The following ZSWIM4 variants were observed in gnomAD, a reference collection of about 807,000 sequenced individuals.
ZSWIM4 encodes the protein zinc finger SWIM domain-containing protein 4.
ZSWIM4 carries 62 observed loss-of-function variants against 102.5 expected under a neutral mutation model. The observed-to-expected ratio is 0.60, with a 90% CI of 0.49 to 0.75. ZSWIM4 has a LOEUF of 0.75. Ranked by LOEUF, ZSWIM4 falls within the 30% of genes least tolerant of loss-of-function variation. The pLI is 0.00. For missense variants in ZSWIM4, 1,280 were observed against 1,529.6 expected (o/e 0.84, Z 2.72); for synonymous variants, 652 against 674.5 (o/e 0.97, Z 0.52).
Position 13,831,122 on chromosome 19 carries a change from C to T in ZSWIM4, c.*72C>T. 6.7e-7 allele frequency: 1 copy of T among 1,495,804 alleles called. No individual in the cohort carries two copies. 92.7% of individuals were successfully genotyped at this position (1,495,804 alleles called of 1,614,324 possible). ...CCCCCACCCTTGCTCTCCAATTAGG[C>T]CCACGTGGCATTTCAGTATTATTAA... On this transcript the variant is annotated 3_prime_UTR_variant, in exon 14 of 14. Coordinates refer to ENST00000590508, the MANE Select transcript of ZSWIM4 (RefSeq NM_001367834.3).
chr19:13,815,981 G>A (rs1172728752), intron 7 of ZSWIM4, among the ~76,000 whole-genome samples: 3 of 148,074 alleles, frequency 2.0e-5, no homozygotes, highest in Non-Finnish European at 4.5e-5. Flanking sequence ...AGAGGAGAGC[G>A]AGGAGAGAGA....
intron 7 of ZSWIM4, among the ~76,000 whole-genome samples, chr19:13,815,787 A>G (rs1212506835): frequency 6.6e-6 from 1 of 151,720 alleles, no homozygotes; most frequent in East Asian, 1.9e-4. Flanking sequence ...AATATTTTTA[A>G]AATTAGCCAG....
chr19:13,831,108 G>T lies in ZSWIM4; in HGVS notation c.*58G>T. 2.0e-6 allele frequency: 3 copies of T among 1,506,024 alleles called. No individual in the cohort carries two copies. Among genetic ancestry groups the T allele is most frequent in the Non-Finnish European group, 2.6e-6 (3 of 1,135,206 alleles). 93.3% of individuals were successfully genotyped at this position (1,506,024 alleles called of 1,614,324 possible). A position where few individuals can be genotyped will look rare whatever the true frequency, so the allele number is the denominator to read the frequency against. ...CCTCGCCCCTGCGTCCCCCACCCTT[G>T]CTCTCCAATTAGGCCCACGTGGCAT... On this transcript the variant is annotated 3_prime_UTR_variant, in exon 14 of 14. Transcript: ENST00000590508.
intron 13 of ZSWIM4, 84 bp downstream of exon 13, chr19:13,828,810 G>C: frequency 7.2e-7 from 1 of 1,391,784 alleles, no homozygotes; most frequent in South Asian, 1.2e-5. Flanking sequence ...AGACAAGAAA[G>C]AGAGAAGTGG....
In ZSWIM4 at chr19:13,823,506, G is replaced by A; in HGVS notation, c.2215+6G>A. ...CATGTTGACGGCCGCCAAGGGTGAG[G>A]CTGGCAGCTGTCCCGATTCCTTTGT... On this transcript the variant is annotated splice_donor_region_variant and intron_variant, in intron 11 of 13. Coordinates refer to ENST00000590508, the MANE Select transcript of ZSWIM4 (RefSeq NM_001367834.3). 6.4e-7 allele frequency: 1 copy of A among 1,560,152 alleles called. No individual in the cohort carries two copies.
intron 7 of ZSWIM4, among the ~76,000 whole-genome samples, chr19:13,816,786 G>A (rs1256998296): frequency 6.6e-6 from 1 of 152,190 alleles, no homozygotes; most frequent in African/African-American, 2.4e-5. Context: ...GCCTCCAGAT[G>A]AGGCAGGTCA....
Position 13,831,215 on chromosome 19 carries a change from A to T in ZSWIM4, c.*165A>T. 1 of 872,358 alleles carries T rather than the reference A, an allele frequency of 1.1e-6. No homozygotes were observed. The highest frequency in any genetic ancestry group is 3.1e-5 in the Admixed American group (1 of 32,040). The allele number at this position is 872,358 out of a possible 1,614,324, so 54.0% of individuals were successfully genotyped here. A position where few individuals can be genotyped will look rare whatever the true frequency, so the allele number is the denominator to read the frequency against. On this transcript the variant is annotated 3_prime_UTR_variant, in exon 14 of 14. Transcript: ENST00000590508. ...GCATCCTGCCACGTGTGTGCCTGGG[A>T]GTCTGTGAGCAAGTGTGCAAGACTC...
At chr19:13,800,032 T>A in intron 2 of ZSWIM4, 111 bp downstream of exon 2, 1 of 1,009,758 alleles carries the variant, frequency 9.9e-7, no homozygotes. Flanking sequence ...GTTACAGACC[T>A]CAGGCTTCGA....
chr19:13,828,015 GCAA>G lies in ZSWIM4; in HGVS notation c.2380-624_2380-622del, dbSNP rs551601795. Among the ~76,000 whole-genome samples the G allele has an allele frequency of 7.0e-4, 106 of 152,290 alleles. 1 individual carries two copies. The highest frequency in any genetic ancestry group is 1.0e-3 in the Non-Finnish European group (70 of 68,032). ...TGTGAGGACTCACTTCAGAAGAACA[GCAA>G]CAACAGCAGTGATATTAAGAGCTGA... is the stretch of plus-strand genomic sequence containing the variant. On this transcript the variant is annotated intron_variant, in intron 12 of 13. Coordinates refer to ENST00000590508, the MANE Select transcript of ZSWIM4 (RefSeq NM_001367834.3).
In ZSWIM4 at chr19:13,823,605, C is replaced by T. The variant is rs1180969266; in HGVS notation, c.2215+105C>T. ...TCCTCTTATCCTTTCACAAACTTCC[C>T]CCTGCATTCTTTGAGCACCTCCTAT... is the stretch of plus-strand genomic sequence containing the variant. On this transcript the variant is annotated intron_variant, in intron 11 of 13. Coordinates refer to ENST00000590508, the MANE Select transcript of ZSWIM4 (RefSeq NM_001367834.3). 8 of 1,370,998 alleles carry T rather than the reference C, an allele frequency of 5.8e-6. No individual in the cohort carries two copies. The East Asian group carries it at 7.6e-5, about 13-fold the overall frequency. The allele number at this position is 1,370,998 out of a possible 1,614,324, so 84.9% of individuals were successfully genotyped here.
At chr19:13,822,699 G>T (rs1002130973) in intron 10 of ZSWIM4, among the ~76,000 whole-genome samples, 5 of 152,156 alleles carry the variant, frequency 3.3e-5, no homozygotes, top group Non-Finnish European at 7.3e-5. Context: ...AAAAATTAGG[G>T]CCAGGAGCCA....
intron 5 of ZSWIM4, among the ~76,000 whole-genome samples, chr19:13,810,664 C>T (rs1273408087): frequency 6.6e-6 from 1 of 151,506 alleles, no homozygotes; most frequent in African/African-American, 2.4e-5. Flanking sequence ...AGCTGGAGTG[C>T]AGTGGCACAA....
chr19:13,815,962 A>AAG, intron 7 of ZSWIM4, among the ~76,000 whole-genome samples: 1 of 147,524 alleles, frequency 6.8e-6, no homozygotes, highest in East Asian at 2.0e-4. Context: ...AAAAAAAAAA[A>AAG]AGAGAGAGAG....
Position 13,814,839 on chromosome 19 carries a change from T to C in ZSWIM4, c.1505T>C (p.Leu502Pro), listed in dbSNP as rs1456168668. The C allele has an allele frequency of 7.9e-7, 1 of 1,263,602 alleles. No individual in the cohort carries two copies. The highest frequency in any genetic ancestry group is 1.0e-6 in the Non-Finnish European group (1 of 968,566). The allele number at this position is 1,263,602 out of a possible 1,614,324, so 78.3% of individuals were successfully genotyped here. Residue 502 changes from leucine (L) to proline (P), a missense_variant, in exon 7 of 14, where the codon CTA becomes CCA. Transcript: ENST00000590508. ...NTLRLQQRHQ[L>P]ESYKQQKKEL... The stretch of plus-strand genomic sequence containing the variant: ...CTCCGGCTGCAGCAGCGGCATCAGC[T>C]AGAGAGCTACAAGCAGCAGAAAAAA...
intron 7 of ZSWIM4, 120 bp from the exon 8 acceptor site, chr19:13,817,096 G>A: frequency 7.3e-6 from 10 of 1,375,562 alleles, no homozygotes; most frequent in Non-Finnish European, 8.8e-6. Flanking sequence ...TGACCATTGG[G>A]TGAGCAGGTG....
Position 13,795,721 on chromosome 19 carries a change from G to A in ZSWIM4, c.73G>A (p.Ala25Thr), listed in dbSNP as rs766866513. 1.7e-6 allele frequency: 2 copies of A among 1,210,818 alleles called. No homozygotes were observed. The highest frequency in any genetic ancestry group is 1.6e-5 in the African/African-American group (1 of 63,706). 75.0% of individuals were successfully genotyped at this position (1,210,818 alleles called of 1,614,324 possible). ...GPEERDAGAG[A>T]ARGRGRPEAL... ...CGAGGAGCGCGATGCCGGGGCCGGG[G>A]CCGCGCGTGGCCGGGGCCGGCCCGA... is the stretch of plus-strand genomic sequence containing the variant. Residue 25 changes from alanine (A) to threonine (T), a missense_variant, in exon 1 of 14, where the codon GCC (alanine) becomes ACC (threonine). Ala to Thr is a moderately conservative substitution (Grantham distance 58). Transcript: ENST00000590508.
intron 11 of ZSWIM4, 131 bp downstream of exon 11, chr19:13,823,631 A>G (rs1975529851): frequency 9.2e-7 from 1 of 1,090,268 alleles, no homozygotes; most frequent in Admixed American, 2.4e-5. Flanking sequence ...CACCTCCTAT[A>G]TGTACCGGAC....
intron 7 of ZSWIM4, among the ~76,000 whole-genome samples, chr19:13,816,361 C>T (rs562320851): frequency 2.0e-4 from 31 of 152,222 alleles, no homozygotes; most frequent in African/African-American, 7.2e-4. Flanking sequence ...CAGTGGCTCA[C>T]ACCTGTAATC....
Position 13,821,311 on chromosome 19 carries a change from A to G in ZSWIM4, c.2060+1819A>G, listed in dbSNP as rs531089871. Among the ~76,000 whole-genome samples, 46 of 151,622 alleles carry G rather than the reference A, an allele frequency of 3.0e-4. No homozygotes were observed. In the South Asian group the frequency reaches 9.2e-3, roughly 30 times the overall value. On this transcript the variant is annotated intron_variant, in intron 10 of 13. Coordinates refer to ENST00000590508, the MANE Select transcript of ZSWIM4 (RefSeq NM_001367834.3). The stretch of plus-strand genomic sequence containing the variant: ...AAAAAAAAAAAAAGGCCAACTCAAT[A>G]GTAAACCATGCCCAAAAAGGTGCAA...
Sources: gnomAD v4.1 joint callset for allele counts (sites outside exome capture counted in the v4.1 genomes callset) on GRCh38, gnomAD v4.1.1 for gene constraint, MANE v1.5 for transcripts, NCBI Gene and HGNC (gene_info 2026-07-23, HGNC 2026-07-21) for gene names.